TDRD5: variants seen among roughly 807,000 people sequenced by gnomAD.
TDRD5 encodes tudor domain-containing protein 5.
TDRD5 carries 41 observed loss-of-function variants against 120.6 expected under a neutral mutation model. That is an observed-to-expected ratio of 0.34 (90% CI 0.26 to 0.44). TDRD5 has a LOEUF of 0.44. Among genes scored for constraint, TDRD5 ranks in the 20% least tolerant of loss-of-function variants. The probability of loss-of-function intolerance (pLI) is 1.00; values close to 1 mark genes in which losing one functional copy is unlikely to be tolerated. For missense variants in TDRD5, 1,006 were observed against 1,221.2 expected, an observed-to-expected ratio of 0.82 and a Z score of 2.63; for synonymous variants, 430 against 433.7, an observed-to-expected ratio of 0.99 and a Z score of 0.11.
At chr1:179,597,308 T>C (rs2101909246) in intron 4 of TDRD5, among the ~76,000 whole-genome samples, 1 of 151,572 alleles carries the variant, frequency 6.6e-6, no homozygotes, top group East Asian at 1.9e-4. Context: ...AATTTATTCA[T>C]ATTTTTCTTT....
intron 9 of TDRD5, among the ~76,000 whole-genome samples, chr1:179,638,059 A>T (rs1330280253): frequency 6.6e-6 from 1 of 152,236 alleles, no homozygotes; most frequent in Admixed American, 6.5e-5. Context: ...AAGTGACGTT[A>T]GCACCAGGTG....
At chr1:179,644,666 TC>T (rs1678244369) in intron 11 of TDRD5, among the ~76,000 whole-genome samples, 1 of 152,146 alleles carries the variant, frequency 6.6e-6, no homozygotes, top group South Asian at 2.1e-4. Context: ...ATTTTTTTTG[TC>T]CTTTTGATGT....
intron 1 of TDRD5, chr1:179,592,368 C>G: frequency 2.2e-6 from 1 of 454,700 alleles, no homozygotes; most frequent in East Asian, 4.2e-5. Flanking sequence ...CAGTTAACGC[C>G]TCCGCATGGC....
chr1:179,679,888 TC>T (rs1336796156), intron 17 of TDRD5, among the ~76,000 whole-genome samples: 2 of 152,150 alleles, frequency 1.3e-5, no homozygotes, highest in East Asian at 3.8e-4. Context: ...TTTCTCTTTT[TC>T]TAGTTTTTCA....
intron 11 of TDRD5, among the ~76,000 whole-genome samples, chr1:179,641,259 A>G (rs1260154958): frequency 6.6e-6 from 1 of 152,114 alleles, no homozygotes; most frequent in Non-Finnish European, 1.5e-5. Context: ...AGAAGAAAGA[A>G]AAACTAACGC....
intron 4 of TDRD5, among the ~76,000 whole-genome samples, chr1:179,608,969 C>T (rs1368080145): frequency 1.3e-5 from 2 of 152,022 alleles, no homozygotes; most frequent in Non-Finnish European, 2.9e-5. Context: ...GCCCCAGCCT[C>T]CAATATGATG....
chr1:179,601,632 A>G (rs1675717296), intron 4 of TDRD5, among the ~76,000 whole-genome samples: 1 of 152,224 alleles, frequency 6.6e-6, no homozygotes, highest in Non-Finnish European at 1.5e-5. Flanking sequence ...TCCATTGTAT[A>G]TAGATACCAT....
chr1:179,686,471 C>G (rs200556512), intron 17 of TDRD5, among the ~76,000 whole-genome samples: 2 of 152,026 alleles, frequency 1.3e-5, no homozygotes, highest in Non-Finnish European at 2.9e-5. Flanking sequence ...ATTTTGCATC[C>G]ATGTTCATCA....
intron 17 of TDRD5, among the ~76,000 whole-genome samples, chr1:179,689,176 TTGTAG>T (rs1193995111): frequency 6.6e-6 from 1 of 152,198 alleles, no homozygotes; most frequent in Non-Finnish European, 1.5e-5. Flanking sequence ...CTCCCCATCT[TTGTAG>T]TTTTATCTAC....
At chr1:179,678,493 A>AT (rs1680254391) in intron 17 of TDRD5, among the ~76,000 whole-genome samples, 1 of 152,306 alleles carries the variant, frequency 6.6e-6, no homozygotes, top group Admixed American at 6.5e-5. Context: ...GAGTCTCCAC[A>AT]TGCCACTTTG....
chr1:179,618,532 T>C lies in TDRD5; in HGVS notation c.832-67T>C, dbSNP rs1440670159. 2.5e-6 allele frequency: 3 copies of C among 1,192,726 alleles called. No homozygotes were observed. The Admixed American group carries it at 7.4e-5, about 29-fold the overall frequency. The allele number at this position is 1,192,726 out of a possible 1,614,324, so 73.9% of individuals were successfully genotyped here. A position where few individuals can be genotyped will look rare whatever the true frequency, so the allele number is the denominator to read the frequency against. On this transcript the variant is annotated intron_variant, in intron 4 of 17. Coordinates refer to ENST00000444136, the MANE Select transcript of TDRD5 (RefSeq NM_001199085.3). ...ATAGATTTTTTCTTTACATATTGCT[T>C]AGATCTACCTTTGACTTTCTTTGGT...
chr1:179,623,606 G>A (rs1676954483), intron 6 of TDRD5, among the ~76,000 whole-genome samples: 1 of 141,518 alleles, frequency 7.1e-6, no homozygotes, highest in Non-Finnish European at 1.5e-5. Flanking sequence ...AAATAGCAGA[G>A]AATATTCTCC....
intron 16 of TDRD5, among the ~76,000 whole-genome samples, chr1:179,665,610 C>T (rs1020249011): frequency 5.9e-5 from 9 of 152,086 alleles, no homozygotes; most frequent in South Asian, 2.1e-4. Context: ...CCTATACCAG[C>T]GTCACATTGT....
intron 17 of TDRD5, 138 bp from the exon 18 acceptor site, chr1:179,690,558 C>T (rs986987846): frequency 1.9e-5 from 22 of 1,151,508 alleles, no homozygotes; most frequent in Non-Finnish European, 2.3e-5. Context: ...CTCATCTTCT[C>T]TGATTAGCCA....
rs754493434 is a variant in TDRD5 at position 179,673,211 on chromosome 1, A to T, written c.2860+3807A>T. ...CAGTATGATCATTTTCACAATATTGATTCTACCCATCCACGAGCATGAGAT... is the reference window on the plus strand; with the variant it reads ...CAGTATGATCATTTTCACAATATTGTTTCTACCCATCCACGAGCATGAGAT... On this transcript the variant is annotated intron_variant, in intron 17 of 17. Coordinates refer to ENST00000444136, the MANE Select transcript of TDRD5 (RefSeq NM_001199085.3). 3.9e-5 allele frequency among the ~76,000 whole-genome samples: 6 copies of T among 152,166 alleles called. No individual in the cohort carries two copies. In the South Asian group the frequency reaches 1.2e-3, roughly 32 times the overall value.
chr1:179,649,440 A>G (rs755360678), intron 11 of TDRD5, among the ~76,000 whole-genome samples: 4 of 151,884 alleles, frequency 2.6e-5, no homozygotes, highest in South Asian at 2.1e-4. Flanking sequence ...CTGTCTTTCC[A>G]TGCTGCATTC....
At chr1:179,653,530 G>A (rs1351337102) in intron 13 of TDRD5, among the ~76,000 whole-genome samples, 1 of 152,044 alleles carries the variant, frequency 6.6e-6, no homozygotes, top group Non-Finnish European at 1.5e-5. Flanking sequence ...ATTTTTCTTA[G>A]TCATTATTAC....
intron 3 of TDRD5, among the ~76,000 whole-genome samples, 180 bp downstream of exon 3, chr1:179,594,047 G>A (rs1675259509): frequency 6.6e-6 from 1 of 152,156 alleles, no homozygotes; most frequent in Non-Finnish European, 1.5e-5. Context: ...AGAAATAACA[G>A]TATTTCCCTC....
rs1161160514 is a variant in TDRD5, at chr1:179,635,678, A to C, written c.1311A>C (p.Thr437=). The change falls in exon 9 of 18, where the codon ACA becomes ACC. Residue 437 remains threonine (T), a synonymous_variant. Coordinates refer to ENST00000444136, the MANE Select transcript of TDRD5 (RefSeq NM_001199085.3). ...VVKPLQLQVE[T]NKSELNLAMA... ...TTTCTAACTTATAGCAAGTAGAAAC[A>C]AACAAATCAGAGCTCAACTTGGCAA... 1.1e-5 allele frequency: 17 copies of C among 1,613,964 alleles called. No individual in the cohort carries two copies. The highest frequency in any genetic ancestry group is 1.4e-5 in the Non-Finnish European group (16 of 1,179,966).
Sources: gnomAD v4.1 joint callset for allele counts (sites outside exome capture counted in the v4.1 genomes callset) on GRCh38, gnomAD v4.1.1 for gene constraint, MANE v1.5 for transcripts, NCBI Gene and HGNC (gene_info 2026-07-23, HGNC 2026-07-21) for gene names.